Variants in RNF7 observed in about 807,000 individuals in gnomAD.
The protein encoded by RNF7 is RING-box protein 2.
RNF7 carries 9 observed loss-of-function variants against 17.0 expected under a neutral mutation model. The observed-to-expected ratio is 0.53, with a 90% CI of 0.32 to 0.92. The LOEUF is 0.92. Ranked by LOEUF, RNF7 falls within the 40% of genes least tolerant of loss-of-function variation. The pLI, the probability that RNF7 is intolerant of heterozygous loss-of-function variation, is 0.04. For synonymous variants in RNF7, 59 were observed against 50.5 expected, an observed-to-expected ratio of 1.17 and a Z score of -0.72; for missense variants, 87 against 145.8, an observed-to-expected ratio of 0.60 and a Z score of 2.08.
At chr3:141,744,416 C>A (rs956493193) in intron 2 of RNF7, among the ~76,000 whole-genome samples, 4 of 151,846 alleles carry the variant, frequency 2.6e-5, no homozygotes, top group Admixed American at 2.6e-4. Context: ...TCATATAGCT[C>A]AGTTGATCAA....
Position 141,746,541 on chromosome 3 carries a change from A to G in RNF7, c.*1264A>G. On this transcript the variant is annotated 3_prime_UTR_variant, in exon 3 of 3. Coordinates refer to ENST00000273480, the MANE Select transcript of RNF7 (RefSeq NM_014245.5). ...AGGTTTATTACCTGGAAAGAGTGCA[A>G]GAAAATACTAAACAACTTTATCAAA... 1 of 151,192 alleles carries G rather than the reference A, an allele frequency of 6.6e-6. No homozygotes were observed. Among genetic ancestry groups the G allele is most frequent in the East Asian group, 2.0e-4 (1 of 5,100 alleles). The allele number at this position is 151,192 out of a possible 1,614,324, so 9.4% of individuals were successfully genotyped here. A position where few individuals can be genotyped will look rare whatever the true frequency, so the allele number is the denominator to read the frequency against.
intron 1 of RNF7, chr3:141,742,644 A>G: frequency 8.6e-7 from 1 of 1,159,566 alleles, no homozygotes; most frequent in Non-Finnish European, 1.1e-6. Flanking sequence ...TTTTTTACAG[A>G]TGAGGGAATT....
intron 1 of RNF7, chr3:141,742,783 T>G: frequency 2.4e-6 from 3 of 1,269,408 alleles, no homozygotes; most frequent in Non-Finnish European, 3.1e-6. Context: ...CTTGTCTGGA[T>G]GACCATCGGT....
At position 141,745,408 on chromosome 3, in the gene RNF7, T is replaced by C; in HGVS notation, c.*131T>C. ...AGGAGCCGATGGATCTGTGGTCCTT[T>C]GGGACTCATCAAAGCCTTGGTTTAG... On this transcript the variant is annotated 3_prime_UTR_variant, in exon 3 of 3. Coordinates refer to ENST00000273480, the MANE Select transcript of RNF7 (RefSeq NM_014245.5). 1.8e-6 allele frequency: 1 copy of C among 560,274 alleles called. No homozygotes were observed. Among genetic ancestry groups the C allele is most frequent in the Admixed American group, 3.3e-5 (1 of 30,638 alleles). 34.7% of individuals were successfully genotyped at this position (560,274 alleles called of 1,614,324 possible). A position where few individuals can be genotyped will look rare whatever the true frequency, so the allele number is the denominator to read the frequency against.
chr3:141,739,750 A>G (rs1316024860), intron 1 of RNF7, among the ~76,000 whole-genome samples: 2 of 152,214 alleles, frequency 1.3e-5, no homozygotes, highest in Admixed American at 1.3e-4. Flanking sequence ...AGATATTTTT[A>G]TCTTTCTCTT....
rs566334329 is a variant in RNF7 at position 141,742,288 on chromosome 3, G to A, written c.176-1221G>A. Among the ~76,000 whole-genome samples the A allele has an allele frequency of 4.0e-4, 58 of 145,756 alleles. No individual in the cohort carries two copies. The East Asian group carries it at 0.011, about 28-fold the overall frequency. On this transcript the variant is annotated intron_variant, in intron 1 of 2. Coordinates refer to ENST00000273480, the MANE Select transcript of RNF7 (RefSeq NM_014245.5). ...TTCGCCCAGGCTGGAGTGCAGTGGCGCTATCTCGGCTCACTGCAAGCTCTG... is the reference window on the plus strand; with the variant it reads ...TTCGCCCAGGCTGGAGTGCAGTGGCACTATCTCGGCTCACTGCAAGCTCTG...
chr3:141,740,105 C>T (rs1215787556), intron 1 of RNF7, among the ~76,000 whole-genome samples: 1 of 151,864 alleles, frequency 6.6e-6, no homozygotes, highest in African/African-American at 2.4e-5. Flanking sequence ...ACAGCTGCCC[C>T]TACCCCCACT....
At position 141,747,416 on chromosome 3, in the gene RNF7, C is replaced by G. The variant is rs777050811; in HGVS notation, c.*2139C>G. 2.0e-5 allele frequency: 3 copies of G among 152,118 alleles called. No individual in the cohort carries two copies. Among genetic ancestry groups the G allele is most frequent in the Non-Finnish European group, 4.4e-5 (3 of 68,036 alleles). 9.4% of individuals were successfully genotyped at this position (152,118 alleles called of 1,614,324 possible). A position where few individuals can be genotyped will look rare whatever the true frequency, so the allele number is the denominator to read the frequency against. On this transcript the variant is annotated 3_prime_UTR_variant, in exon 3 of 3. Coordinates refer to ENST00000273480, the MANE Select transcript of RNF7 (RefSeq NM_014245.5). ...GTTATCTTTCGCTATTTAATTTTCC[C>G]TCTATGCAAATTGTGTTATTACAGC...
At chr3:141,745,092 C>T in intron 2 of RNF7, 67 bp from the exon 3 acceptor site, 2 of 915,456 alleles carry the variant, frequency 2.2e-6, no homozygotes, top group South Asian at 1.6e-5. Context: ...ATAAAATAAG[C>T]TATAATTTTG....
Position 141,745,864 on chromosome 3 carries a change from A to G in RNF7, c.*587A>G, listed in dbSNP as rs1426761082. ...AATTTTGATTGCCTTTAAAGTTACT[A>G]TTCTGTATCATTGATTCATCAAGAA... On this transcript the variant is annotated 3_prime_UTR_variant, in exon 3 of 3. Coordinates refer to ENST00000273480, the MANE Select transcript of RNF7 (RefSeq NM_014245.5). The G allele has an allele frequency of 1.3e-5, 2 of 152,108 alleles. No homozygotes were observed. The highest frequency in any genetic ancestry group is 2.9e-5 in the Non-Finnish European group (2 of 68,042). The allele number at this position is 152,108 out of a possible 1,614,324, so 9.4% of individuals were successfully genotyped here.
intron 2 of RNF7, among the ~76,000 whole-genome samples, chr3:141,744,015 A>G (rs1388311046): frequency 6.6e-6 from 1 of 152,178 alleles, no homozygotes; most frequent in African/African-American, 2.4e-5. Flanking sequence ...TTGTGTATCA[A>G]ATTTTCTTTA....
In RNF7 at chr3:141,745,900, T is replaced by C. The variant is rs2084466721; in HGVS notation, c.*623T>C. 6.6e-6 allele frequency: 1 copy of C among 152,098 alleles called. No homozygotes were observed. The highest frequency in any genetic ancestry group is 1.5e-5 in the Non-Finnish European group (1 of 68,020). The allele number at this position is 152,098 out of a possible 1,614,324, so 9.4% of individuals were successfully genotyped here. On this transcript the variant is annotated 3_prime_UTR_variant, in exon 3 of 3. Transcript: ENST00000273480. ...TTGATTCATCAAGAAAACCTAGATCTGCACTCACCTCACTGTTCAATCATT... is the reference window on the plus strand; with the variant it reads ...TTGATTCATCAAGAAAACCTAGATCCGCACTCACCTCACTGTTCAATCATT...
intron 1 of RNF7, chr3:141,742,646 G>A (rs745647306): frequency 1.8e-6 from 2 of 1,140,154 alleles, no homozygotes; most frequent in South Asian, 2.6e-5. Context: ...TTTTACAGAT[G>A]AGGGAATTGG....
intron 2 of RNF7, among the ~76,000 whole-genome samples, chr3:141,744,524 G>A (rs1206437306): frequency 6.6e-6 from 1 of 152,004 alleles, no homozygotes; most frequent in Non-Finnish European, 1.5e-5. Flanking sequence ...TGTTTAAAAA[G>A]TATTAATTTG....
At chr3:141,738,619 G>T in intron 1 of RNF7, 103 bp downstream of exon 1, 2 of 1,231,732 alleles carry the variant, frequency 1.6e-6, no homozygotes, top group East Asian at 5.6e-5. Flanking sequence ...AAAGTGCCCT[G>T]CCTGGGAGAG....
intron 1 of RNF7, chr3:141,743,017 C>T: frequency 3.5e-6 from 2 of 568,034 alleles, no homozygotes; most frequent in Admixed American, 1.1e-4. Flanking sequence ...ATGTATATTA[C>T]CTGGAAGAGT....
intron 1 of RNF7, among the ~76,000 whole-genome samples, chr3:141,739,055 A>C (rs1009461183): frequency 6.6e-6 from 1 of 152,134 alleles, no homozygotes; most frequent in Non-Finnish European, 1.5e-5. Context: ...AAGTGTTCAT[A>C]GCCATTGCAT....
intron 1 of RNF7, 54 bp downstream of exon 1, chr3:141,738,570 C>G: frequency 6.5e-7 from 1 of 1,530,750 alleles, no homozygotes; most frequent in Admixed American, 2.0e-5. Flanking sequence ...GAGCCGACCT[C>G]GGGGTTGGGA....
Position 141,745,228 on chromosome 3 carries a change from G to A in RNF7, c.293G>A (p.Arg98His). Residue 98 changes from arginine (R) to histidine (H), a missense_variant, in exon 3 of 3, where the codon CGC becomes CAC. Transcript: ENST00000273480. The part of the protein sequence containing the change: ...CMSLWVKQNN[R>H]CPLCQQDWVV... Reference sequence around the variant, plus strand: ...TCCCTGTGGGTGAAACAGAACAATCGCTGCCCTCTCTGCCAGCAGGACTGG... The same window carrying A: ...TCCCTGTGGGTGAAACAGAACAATCACTGCCCTCTCTGCCAGCAGGACTGG... The A allele has an allele frequency of 1.9e-6, 3 of 1,613,020 alleles. No individual in the cohort carries two copies. Among genetic ancestry groups the A allele is most frequent in the Non-Finnish European group, 2.5e-6 (3 of 1,179,778 alleles).
Sources: allele counts gnomAD v4.1 joint callset (sites outside exome capture counted in the v4.1 genomes callset), GRCh38; gene constraint gnomAD v4.1.1; transcripts MANE v1.5; gene names NCBI Gene and HGNC (gene_info 2026-07-23, HGNC 2026-07-21).